Variants in SAP30BP observed in about 807,000 individuals in gnomAD.
The protein encoded by SAP30BP is SAP30-binding protein.
A neutral mutation model predicts 46.3 loss-of-function variants in SAP30BP; 31 were observed. The ratio of observed to expected loss-of-function variants is 0.67; its 90% CI spans 0.50 to 0.90. SAP30BP has a LOEUF of 0.90. Among genes scored for constraint, SAP30BP ranks in the 40% least tolerant of loss-of-function variants. SAP30BP has a pLI of 0.00. For synonymous variants in SAP30BP, 169 were observed against 144.2 expected (o/e 1.17, Z -1.23); for missense variants, 312 against 391.0 (o/e 0.80, Z 1.70).
chr17:75,687,618 GA>G (rs112544254), intron 3 of SAP30BP, among the ~76,000 whole-genome samples: 2,631 of 113,344 alleles, frequency 0.023, 38 homozygotes, highest in African/African-American at 0.051. Flanking sequence ...CCTGTCTCAG[GA>G]AAAAAAAAAA....
At position 75,707,601 on chromosome 17, in the gene SAP30BP, T is replaced by C. The variant is rs2060517452; in HGVS notation, c.*1080T>C. 4 of 152,694 alleles carry C rather than the reference T, an allele frequency of 2.6e-5. No individual in the cohort carries two copies. Among genetic ancestry groups the C allele is most frequent in the Admixed American group, 6.5e-5 (1 of 15,286 alleles). 9.5% of individuals were successfully genotyped at this position (152,694 alleles called of 1,614,324 possible). A position where few individuals can be genotyped will look rare whatever the true frequency, so the allele number is the denominator to read the frequency against. On this transcript the variant is annotated 3_prime_UTR_variant, in exon 11 of 11. Transcript: ENST00000584667. ...GGTTCTGAAATGGCACCTGGTACTC[T>C]TGTGGGACCTGGGGAATATAAGGAA...
intron 3 of SAP30BP, among the ~76,000 whole-genome samples, chr17:75,677,299 T>TTCACCATATTGGCCAGGCTGG (rs2060005938): frequency 6.6e-6 from 1 of 151,806 alleles, no homozygotes; most frequent in Non-Finnish European, 1.5e-5. Flanking sequence ...GAGACAGGGT[T>TTCACCATATTGGCCAGGCTGG]TCACCATATT....
chr17:75,668,318 A>G (rs926329890), intron 1 of SAP30BP, 198 bp from the exon 2 acceptor site: 13 of 513,786 alleles, frequency 2.5e-5, no homozygotes, highest in African/African-American at 2.2e-4. Context: ...TGACCTTTTA[A>G]TGATTTTATT....
At chr17:75,668,175 G>A (rs993885483) in intron 1 of SAP30BP, 1 of 232,440 alleles carries the variant, frequency 4.3e-6, no homozygotes, top group Non-Finnish European at 8.2e-6. Flanking sequence ...ATTAGGTTAG[G>A]TACTTCCATG....
Position 75,703,843 on chromosome 17 carries a change from C to T in SAP30BP, c.585C>T (p.Ser195=). 1 of 1,613,322 alleles carries T rather than the reference C, an allele frequency of 6.2e-7. No homozygotes were observed. Among genetic ancestry groups the T allele is most frequent in the Non-Finnish European group, 8.5e-7 (1 of 1,179,236 alleles). ...MFDPHGWSED[S]YYEALAKAQK... is the part of the protein sequence containing the mutation. Reference sequence around the variant, plus strand: ...ATCCCCATGGCTGGTCTGAGGACTCCTACTATGAGGCATTAGGTAGCCTTT... The same window carrying T: ...ATCCCCATGGCTGGTCTGAGGACTCTTACTATGAGGCATTAGGTAGCCTTT... The change falls in exon 8 of 11, where the codon TCC becomes TCT. Residue 195 remains serine, a synonymous_variant. Transcript: ENST00000584667.
chr17:75,706,615 C>A lies in SAP30BP; in HGVS notation c.*94C>A. 8.3e-7 allele frequency: 1 copy of A among 1,207,600 alleles called. No individual in the cohort carries two copies. Among genetic ancestry groups the A allele is most frequent in the Non-Finnish European group, 1.2e-6 (1 of 845,066 alleles). The allele number at this position is 1,207,600 out of a possible 1,614,324, so 74.8% of individuals were successfully genotyped here. A position where few individuals can be genotyped will look rare whatever the true frequency, so the allele number is the denominator to read the frequency against. ...ACTTTGTATATTTCAGGACTGGGAC[C>A]TACTCCCCAGATGCCACCTGAGAGG... On this transcript the variant is annotated 3_prime_UTR_variant, in exon 11 of 11. Transcript: ENST00000584667. The surrounding 1 kb of genome is among the most constrained non-coding windows in gnomAD (Gnocchi z 4.6).
At chr17:75,667,590 C>G (rs771844470) in intron 1 of SAP30BP, 112 bp downstream of exon 1, 37 of 921,988 alleles carry the variant, frequency 4.0e-5, no homozygotes, top group Non-Finnish European at 5.7e-5. Flanking sequence ...CACCGGACCC[C>G]GAAGAATGGT....
rs1555715580 is a variant in SAP30BP, at chr17:75,667,380, G to T, written c.8G>T (p.Gly3Val). 1.2e-6 allele frequency: 2 copies of T among 1,614,082 alleles called. No homozygotes were observed. The highest frequency in any genetic ancestry group is 1.7e-6 in the Non-Finnish European group (2 of 1,180,022). ...CCGGGCTGTGGGAATAAGATGGCGG[G>T]GAAGAAGAATGTTCTGTCGTCTCTC... MA[G>V]KKNVLSSLAV... is the part of the protein sequence containing the mutation. Residue 3 changes from glycine to valine, a missense_variant, in exon 1 of 11, where the codon GGG becomes GTG. Transcript: ENST00000584667.
At chr17:75,687,947 TGTGTGTGTGAGAGA>T (rs997364279) in intron 3 of SAP30BP, among the ~76,000 whole-genome samples, 19 of 98,340 alleles carry the variant, frequency 1.9e-4, no homozygotes, top group Admixed American at 9.6e-4. Context: ...TGTGTGTGTG[TGTGTGTGTGAGAGA>T]GACAGAGAGA....
At chr17:75,686,064 G>C (rs368916709) in intron 3 of SAP30BP, among the ~76,000 whole-genome samples, 5 of 152,228 alleles carry the variant, frequency 3.3e-5, no homozygotes, top group Non-Finnish European at 7.3e-5. Flanking sequence ...ATCAGGAGCC[G>C]TGCTGAGTCA....
At chr17:75,678,896 A>G (rs1027305164) in intron 3 of SAP30BP, among the ~76,000 whole-genome samples, 2 of 152,128 alleles carry the variant, frequency 1.3e-5, no homozygotes, top group Admixed American at 6.5e-5. Flanking sequence ...GTTTACCTTC[A>G]TATAACGAAG....
intron 3 of SAP30BP, among the ~76,000 whole-genome samples, chr17:75,678,463 A>AACACAC (rs59943167): frequency 0.027 from 4,053 of 147,592 alleles, 48 homozygotes; most frequent in East Asian, 0.032. Context: ...CACAATTTAA[A>AACACAC]ACACACACAC....
rs2060466718 is a variant in SAP30BP at position 75,704,636 on chromosome 17, A to G, written c.602-120A>G. ...GCTGGCTTCATTTTGCCAAGCACAA[A>G]GAACACTGAGCCCATGAAGGCCTTT... On this transcript the variant is annotated intron_variant, in intron 8 of 10. Transcript: ENST00000584667. 3.8e-6 allele frequency: 3 copies of G among 782,136 alleles called. No homozygotes were observed. In the Admixed American group the frequency reaches 5.6e-5, roughly 15 times the overall value. The allele number at this position is 782,136 out of a possible 1,614,324, so 48.4% of individuals were successfully genotyped here. A position where few individuals can be genotyped will look rare whatever the true frequency, so the allele number is the denominator to read the frequency against.
At chr17:75,670,866 T>C (rs2059897540) in intron 2 of SAP30BP, among the ~76,000 whole-genome samples, 1 of 152,194 alleles carries the variant, frequency 6.6e-6, no homozygotes, top group Admixed American at 6.5e-5. Context: ...TGGGCTGAAA[T>C]GTAGCTTTGT....
At chr17:75,699,153 A>G (rs1031696050) in intron 4 of SAP30BP, among the ~76,000 whole-genome samples, 5 of 152,234 alleles carry the variant, frequency 3.3e-5, no homozygotes, top group African/African-American at 1.2e-4. Flanking sequence ...AGCCTGGGTT[A>G]CAGAGTAAAA....
intron 5 of SAP30BP, chr17:75,700,181 A>G (rs760459646): frequency 2.1e-5 from 4 of 194,942 alleles, no homozygotes; most frequent in Non-Finnish European, 3.1e-5. Flanking sequence ...CTACTGGGCC[A>G]GTGGTAGCTT....
chr17:75,688,887 C>T (rs545279274), intron 3 of SAP30BP, among the ~76,000 whole-genome samples: 8 of 152,274 alleles, frequency 5.3e-5, no homozygotes, highest in Non-Finnish European at 1.0e-4. Context: ...AAGTCTCAGT[C>T]ACAGTTGGTT....
chr17:75,700,488 A>G (rs913205387), intron 5 of SAP30BP, among the ~76,000 whole-genome samples: 4 of 152,168 alleles, frequency 2.6e-5, no homozygotes, highest in Non-Finnish European at 4.4e-5. Context: ...CAGGCACCCA[A>G]GGCTGCACAA....
intron 3 of SAP30BP, among the ~76,000 whole-genome samples, chr17:75,674,543 G>A (rs950032312): frequency 1.3e-5 from 2 of 151,774 alleles, no homozygotes; most frequent in African/African-American, 4.8e-5. Flanking sequence ...TGATAGGCCC[G>A]CCTCTGCCTC....
Sources: gnomAD v4.1 joint callset for allele counts (sites outside exome capture counted in the v4.1 genomes callset) on GRCh38, gnomAD v4.1.1 for gene constraint, Gnocchi (gnomAD v3.1) non-coding constraint, MANE v1.5 for transcripts, NCBI Gene and HGNC (gene_info 2026-07-23, HGNC 2026-07-21) for gene names.